Variants in SDK1 observed in about 807,000 individuals in gnomAD.
SDK1 encodes the protein sidekick cell adhesion molecule 1.
A neutral mutation model predicts 245.5 loss-of-function variants in SDK1; 157 were observed. That is an observed-to-expected ratio of 0.64 (90% CI 0.56 to 0.73). SDK1 has a LOEUF of 0.73. Ranked by LOEUF, SDK1 falls within the 30% of genes least tolerant of loss-of-function variation. The pLI is 0.00. For missense variants in SDK1, 3,583 were observed against 3,002.3 expected (o/e 1.19, Z -4.52); for synonymous variants, 1,647 against 1,278.5 (o/e 1.29, Z -6.15).
chr7:3,994,641 C>CAA (rs58677753), intron 14 of SDK1, among the ~76,000 whole-genome samples: 5 of 89,000 alleles, frequency 5.6e-5, no homozygotes, highest in Admixed American at 2.7e-4. Context: ...GACTTCATCT[C>CAA]AAAAAAAAAA....
At chr7:4,109,179 G>A (rs1394901228) in intron 22 of SDK1, among the ~76,000 whole-genome samples, 1 of 152,216 alleles carries the variant, frequency 6.6e-6, no homozygotes. Context: ...TTGGGTCAGT[G>A]GCTGGGGGCG....
chr7:3,723,815 C>T (rs924703972), intron 4 of SDK1, among the ~76,000 whole-genome samples: 14 of 148,606 alleles, frequency 9.4e-5, no homozygotes, highest in African/African-American at 2.0e-4. Flanking sequence ...TGTATATACA[C>T]GTACATATAC....
chr7:3,321,142 T>G (rs1399390965), intron 1 of SDK1, among the ~76,000 whole-genome samples: 1 of 152,252 alleles, frequency 6.6e-6, no homozygotes, highest in African/African-American at 2.4e-5. Flanking sequence ...GTATTCATCA[T>G]ACGTGAAATA....
intron 1 of SDK1, among the ~76,000 whole-genome samples, chr7:3,537,696 T>A (rs756532213): frequency 2.0e-5 from 3 of 152,220 alleles, no homozygotes; most frequent in Non-Finnish European, 2.9e-5. Context: ...TGGGATGATC[T>A]GTCTGTGCTG....
In SDK1 at chr7:4,026,496, G is replaced by A. The variant is rs1055952422; in HGVS notation, c.2602+9144G>A. On this transcript the variant is annotated intron_variant, in intron 17 of 44. Coordinates refer to ENST00000404826, the MANE Select transcript of SDK1 (RefSeq NM_152744.4). The surrounding 1 kb of genome is among the most constrained non-coding windows in gnomAD (Gnocchi z 4.1). ...GTGCAGACAGCCTGCCAGGGCCTGC[G>A]GGCTCTCCCCACGTGCTGTGCCCCC... 2.6e-5 allele frequency among the ~76,000 whole-genome samples: 4 copies of A among 152,312 alleles called. No individual in the cohort carries two copies. The highest frequency in any genetic ancestry group is 7.2e-5 in the African/African-American group (3 of 41,568).
chr7:4,242,148 G>A (rs1008440930), intron 43 of SDK1, among the ~76,000 whole-genome samples: 1 of 152,142 alleles, frequency 6.6e-6, no homozygotes, highest in Non-Finnish European at 1.5e-5. Flanking sequence ...TTAGAAAGAG[G>A]GTCTCAGGTG....
chr7:3,794,998 C>T (rs1461730278), intron 4 of SDK1, among the ~76,000 whole-genome samples: 2 of 152,116 alleles, frequency 1.3e-5, no homozygotes, highest in African/African-American at 2.4e-5. Flanking sequence ...GAACTCTGTG[C>T]CAGGCACTCT....
chr7:4,117,957 GTGCCC>G (rs1783816988), intron 25 of SDK1, among the ~76,000 whole-genome samples: 1 of 152,148 alleles, frequency 6.6e-6, no homozygotes, highest in Non-Finnish European at 1.5e-5. Flanking sequence ...TCTGAGCCCT[GTGCCC>G]AGCTCAGGAC....
intron 44 of SDK1, among the ~76,000 whole-genome samples, chr7:4,261,471 T>A (rs1788000131): frequency 6.6e-6 from 1 of 152,012 alleles, no homozygotes; most frequent in African/African-American, 2.4e-5. Flanking sequence ...TCTAGAGTGT[T>A]TACTTCTGAA....
chr7:4,220,421 C>T (rs533221392), intron 39 of SDK1, 151 bp downstream of exon 39: 9 of 754,870 alleles, frequency 1.2e-5, no homozygotes, highest in South Asian at 5.8e-5. Flanking sequence ...GCAACATGGA[C>T]GTCTTCAAAA....
intron 1 of SDK1, among the ~76,000 whole-genome samples, chr7:3,466,603 T>C (rs1322591515): frequency 6.6e-6 from 1 of 151,352 alleles, no homozygotes; most frequent in African/African-American, 2.4e-5. Flanking sequence ...ATATCTGTTT[T>C]TTGAGCATGT....
chr7:3,988,872 A>T (rs927195226), intron 14 of SDK1, among the ~76,000 whole-genome samples: 3 of 152,124 alleles, frequency 2.0e-5, no homozygotes, highest in Non-Finnish European at 4.4e-5. Flanking sequence ...CCTGGGTTCA[A>T]GCGATTCTTC....
intron 1 of SDK1, among the ~76,000 whole-genome samples, chr7:3,601,282 T>C (rs1436655954): frequency 6.6e-6 from 1 of 152,188 alleles, no homozygotes; most frequent in Non-Finnish European, 1.5e-5. Context: ...GACAAAATTA[T>C]GTACATTGGT....
intron 4 of SDK1, among the ~76,000 whole-genome samples, chr7:3,726,913 T>G (rs546832133): frequency 6.8e-4 from 103 of 152,370 alleles, no homozygotes; most frequent in African/African-American, 2.4e-3. Context: ...CAAAGAATTT[T>G]TGCTCAACCA....
At position 3,512,569 on chromosome 7, in the gene SDK1, C is replaced by A. The variant is rs77571449; in HGVS notation, c.299-106511C>A. The stretch of plus-strand genomic sequence containing the variant: ...CAGAAGTGACTGTAACATTTTACAT[C>A]CCCAGCAGCAATGACTGAGAATTCC... On this transcript the variant is annotated intron_variant, in intron 1 of 44. Coordinates refer to ENST00000404826, the MANE Select transcript of SDK1 (RefSeq NM_152744.4). 3.3e-5 allele frequency among the ~76,000 whole-genome samples: 5 copies of A among 152,260 alleles called. No homozygotes were observed. The East Asian group carries it at 9.7e-4, about 29-fold the overall frequency.
intron 5 of SDK1, among the ~76,000 whole-genome samples, chr7:3,857,190 A>G (rs1780569227): frequency 6.6e-6 from 1 of 152,192 alleles, no homozygotes; most frequent in African/African-American, 2.4e-5. Flanking sequence ...AAATTATTAG[A>G]AGCATTAAGT....
intron 1 of SDK1, among the ~76,000 whole-genome samples, chr7:3,519,590 A>G (rs1018934651): frequency 2.6e-5 from 4 of 151,082 alleles, no homozygotes; most frequent in African/African-American, 9.8e-5. Flanking sequence ...TCCTGTGAGT[A>G]GGTACTGTTA....
intron 1 of SDK1, among the ~76,000 whole-genome samples, chr7:3,510,302 G>C (rs1397924432): frequency 6.6e-6 from 1 of 152,196 alleles, no homozygotes; most frequent in Admixed American, 6.5e-5. Context: ...TGAATACTTA[G>C]ATGATTCTAT....
intron 35 of SDK1, among the ~76,000 whole-genome samples, chr7:4,190,960 C>T (rs995693438): frequency 4.6e-5 from 7 of 152,164 alleles, no homozygotes; most frequent in African/African-American, 1.2e-4. Context: ...CTTCTCTGGG[C>T]GGGGGCTCTC....
Sources: gnomAD v4.1 joint callset for allele counts (sites outside exome capture counted in the v4.1 genomes callset) on GRCh38, gnomAD v4.1.1 for gene constraint, Gnocchi (gnomAD v3.1) non-coding constraint, MANE v1.5 for transcripts, NCBI Gene and HGNC (gene_info 2026-07-23, HGNC 2026-07-21) for gene names.